The following TBC1D9B variants were observed in gnomAD, a reference collection of about 807,000 sequenced individuals.
TBC1D9B encodes the protein TBC1 domain family member 9B.
A neutral mutation model predicts 121.1 loss-of-function variants in TBC1D9B; 87 were observed. That is an observed-to-expected ratio of 0.72 (90% confidence interval 0.60 to 0.86). TBC1D9B has a LOEUF of 0.86. Among genes scored for constraint, TBC1D9B ranks in the 40% least tolerant of loss-of-function variants. The pLI is 0.00. For synonymous variants in TBC1D9B, 668 were observed against 670.1 expected (o/e 1.00, Z 0.05); for missense variants, 1,540 against 1,628.6 (o/e 0.95, Z 0.94).
intron 17 of TBC1D9B, chr5:179,869,232 G>C (rs144180761): frequency 5.0e-5 from 12 of 241,718 alleles, no homozygotes; most frequent in Non-Finnish European, 8.4e-5. Flanking sequence ...TCTGTGATGA[G>C]GGAGATGACC....
intron 9 of TBC1D9B, 126 bp downstream of exon 9, chr5:179,878,921 G>T: frequency 7.5e-7 from 1 of 1,325,108 alleles, no homozygotes; most frequent in Non-Finnish European, 1.0e-6. Flanking sequence ...GCTCCCGGCT[G>T]TGTGAAAGAG....
chr5:179,870,122 G>C (rs540208285), intron 16 of TBC1D9B, 133 bp downstream of exon 16: 3 of 1,444,430 alleles, frequency 2.1e-6, no homozygotes, highest in African/African-American at 2.8e-5. Context: ...TGTTCTTCCC[G>C]TATCTAGGGC....
At chr5:179,903,614 T>C (rs10052193) in intron 2 of TBC1D9B, among the ~76,000 whole-genome samples, 212 of 152,336 alleles carry the variant, frequency 1.4e-3, no homozygotes, top group African/African-American at 4.9e-3. Flanking sequence ...TGTGTTTCTG[T>C]TTAAAGATGC....
rs934642123 is a variant in TBC1D9B, at chr5:179,904,930, C to T, written c.119-118G>A. On this transcript the variant is annotated intron_variant, in intron 1 of 20. Transcript: ENST00000355235. This position sits in a 1 kb window ranked among gnomAD's most constrained non-coding sequence, Gnocchi z 4.2. ...ACGCTACCCAAAGGGTCCAGCCCAA[C>T]GAGGGAAACGTCCGGAATGACCCCT... is the stretch of plus-strand genomic sequence containing the variant. The T allele has an allele frequency of 1.4e-5, 10 of 720,002 alleles. No individual in the cohort carries two copies. Among genetic ancestry groups the T allele is most frequent in the African/African-American group, 9.3e-5 (5 of 53,984 alleles). 44.6% of individuals were successfully genotyped at this position (720,002 alleles called of 1,614,324 possible).
chr5:179,879,023 T>A, intron 9 of TBC1D9B, 24 bp downstream of exon 9: 1 of 1,596,182 alleles, frequency 6.3e-7, no homozygotes, highest in South Asian at 1.1e-5. Flanking sequence ...GAGCTGAGGC[T>A]GGGGGTGGCT....
intron 2 of TBC1D9B, among the ~76,000 whole-genome samples, chr5:179,899,857 C>T (rs946570417): frequency 6.6e-6 from 1 of 152,122 alleles, no homozygotes; most frequent in African/African-American, 2.4e-5. Flanking sequence ...TTTCTCCTGG[C>T]CACCTTCTTA....
intron 17 of TBC1D9B, chr5:179,868,384 T>C (rs1286000101): frequency 6.6e-6 from 1 of 152,302 alleles, no homozygotes; most frequent in Non-Finnish European, 1.5e-5. Flanking sequence ...TTTCATCGTG[T>C]TGGCCAGGCT....
intron 14 of TBC1D9B, chr5:179,872,659 C>T (rs899099710): frequency 1.1e-5 from 6 of 553,420 alleles, no homozygotes; most frequent in Admixed American, 6.4e-5. Context: ...GGGTGGGAGC[C>T]ATCTGAGAAG....
chr5:179,868,319 CTA>C (rs927922531), intron 17 of TBC1D9B: 2 of 152,642 alleles, frequency 1.3e-5, no homozygotes, highest in African/African-American at 4.8e-5. Context: ...GTAGCTGGGA[CTA>C]CAAGCACACA....
At chr5:179,906,108 T>C (rs1761304959) in intron 1 of TBC1D9B, among the ~76,000 whole-genome samples, 1 of 152,228 alleles carries the variant, frequency 6.6e-6, no homozygotes, top group African/African-American at 2.4e-5. Flanking sequence ...ATTCAGATTC[T>C]TTAATGAAAA....
chr5:179,878,191 TG>T, intron 10 of TBC1D9B, 117 bp downstream of exon 10: 4 of 1,023,626 alleles, frequency 3.9e-6, no homozygotes, highest in Non-Finnish European at 2.8e-6. Context: ...CTTTTTCTGC[TG>T]GGCTCCTTCC....
At chr5:179,899,375 A>C (rs1474859828) in intron 2 of TBC1D9B, 68 bp from the exon 3 acceptor site, 76 of 1,374,608 alleles carry the variant, frequency 5.5e-5, no homozygotes, top group Non-Finnish European at 7.1e-5. Flanking sequence ...ACATTCAAAG[A>C]AGCGAGATGA....
intron 17 of TBC1D9B, chr5:179,868,059 A>G: frequency 2.4e-6 from 1 of 414,388 alleles, no homozygotes; most frequent in Non-Finnish European, 4.3e-6. Flanking sequence ...TTTTTTTTTA[A>G]TGGACTCTCA....
At chr5:179,880,966 CTG>C (rs1760526027) in intron 7 of TBC1D9B, among the ~76,000 whole-genome samples, 1 of 152,186 alleles carries the variant, frequency 6.6e-6, no homozygotes, top group Non-Finnish European at 1.5e-5. Context: ...GGCTCGCAGG[CTG>C]TGAGGTGCCT....
intron 7 of TBC1D9B, among the ~76,000 whole-genome samples, chr5:179,880,955 G>A (rs918476065): frequency 7.2e-5 from 11 of 152,172 alleles, no homozygotes; most frequent in Non-Finnish European, 1.0e-4. Context: ...GGACACACAC[G>A]GGCTCGCAGG....
chr5:179,907,883 C>T lies in TBC1D9B; in HGVS notation c.-62G>A. 1.0e-6 allele frequency: 1 copy of T among 952,944 alleles called. No homozygotes were observed. Among genetic ancestry groups the T allele is most frequent in the South Asian group, 4.0e-5 (1 of 25,286 alleles). The allele number at this position is 952,944 out of a possible 1,614,324, so 59.0% of individuals were successfully genotyped here. ...CGGAAGCGCCCGCCGCCGTCGGCGT[C>T]CCGGAGCGGAGCGTGCGGAGCGGAG... On this transcript the variant is annotated 5_prime_UTR_variant, in exon 1 of 21. Coordinates refer to ENST00000355235, the MANE Select transcript of TBC1D9B (RefSeq NM_015043.4). The surrounding 1 kb of genome is among the most constrained non-coding windows in gnomAD (Gnocchi z 5.3).
chr5:179,873,173 G>A lies in TBC1D9B; in HGVS notation c.2262C>T (p.Ser754=), dbSNP rs758484327. 14 of 1,613,100 alleles carry A rather than the reference G, an allele frequency of 8.7e-6. No homozygotes were observed. Among genetic ancestry groups the A allele is most frequent in the African/African-American group, 6.7e-5 (5 of 74,944 alleles). The change falls in exon 13 of 21, where the codon AGC becomes AGT. Residue 754 remains serine, a synonymous_variant. Coordinates refer to ENST00000355235, the MANE Select transcript of TBC1D9B (RefSeq NM_015043.4). The stretch of plus-strand genomic sequence containing the variant: ...TGTCCACCTCTGCAGGGGGGTCATC[G>A]CTGCTGCTCAGCAAGGCACGGAGGT... ...IPHLRALLSS[S]DDPPAEVDIF... is the part of the protein sequence containing the mutation.
rs1303135314 is a variant in TBC1D9B at position 179,891,307 on chromosome 5, C to T, written c.1044+72G>A. ...CCCAGTGAGACAGGGCAGAGCAGGACAGGCTGGTCCCTGAGCCCACTGACA... is the reference window on the plus strand; with the variant it reads ...CCCAGTGAGACAGGGCAGAGCAGGATAGGCTGGTCCCTGAGCCCACTGACA... On this transcript the variant is annotated intron_variant, in intron 6 of 20. Transcript: ENST00000355235. This position sits in a 1 kb window ranked among gnomAD's most constrained non-coding sequence, Gnocchi z 4.3. 1.3e-6 allele frequency: 2 copies of T among 1,564,160 alleles called. No individual in the cohort carries two copies. The highest frequency in any genetic ancestry group is 1.8e-6 in the Non-Finnish European group (2 of 1,138,414).
At position 179,893,472 on chromosome 5, in the gene TBC1D9B, G is replaced by A; in HGVS notation, c.578-5C>T. 6.3e-7 allele frequency: 1 copy of A among 1,593,778 alleles called. No homozygotes were observed. Among genetic ancestry groups the A allele is most frequent in the Non-Finnish European group, 8.6e-7 (1 of 1,167,970 alleles). On this transcript the variant is annotated splice_polypyrimidine_tract_variant and splice_region_variant and intron_variant, in intron 4 of 20. Coordinates refer to ENST00000355235, the MANE Select transcript of TBC1D9B (RefSeq NM_015043.4). ...CCCACTGCACCACGAGGCTCACTGTGCCCACAGAGATAGACACACCGCAAG... is the reference window on the plus strand; with the variant it reads ...CCCACTGCACCACGAGGCTCACTGTACCCACAGAGATAGACACACCGCAAG...
Sources: allele counts gnomAD v4.1 joint callset (sites outside exome capture counted in the v4.1 genomes callset), GRCh38; gene constraint gnomAD v4.1.1; non-coding constraint Gnocchi (gnomAD v3.1); transcripts MANE v1.5; gene names NCBI Gene and HGNC (gene_info 2026-07-23, HGNC 2026-07-21).